AGBL1: variants seen among roughly 807,000 people sequenced by gnomAD.
AGBL1 encodes AGBL carboxypeptidase 1, also known as cytosolic carboxypeptidase 4.
Under a neutral mutation model 118.9 loss-of-function variants are expected in AGBL1, and 130 were observed. That is an observed-to-expected ratio of 1.09 (90% CI 0.95 to 1.26). The LOEUF is 1.26. Among genes scored for constraint, AGBL1 ranks in the 50% most tolerant of loss-of-function variants. AGBL1 has a pLI of 0.00. For missense variants in AGBL1, 1,584 were observed against 1,298.1 expected (o/e 1.22, Z -3.38); for synonymous variants, 555 against 478.9 (o/e 1.16, Z -2.08).
At chr15:86,881,785 G>C (rs906124877) in intron 22 of AGBL1, among the ~76,000 whole-genome samples, 21 of 152,102 alleles carry the variant, frequency 1.4e-4, no homozygotes, top group Non-Finnish European at 2.8e-4. Context: ...ACAGCTGTGT[G>C]CCACCACGCC....
chr15:87,021,926 G>T (rs544929446), intron 24 of AGBL1, among the ~76,000 whole-genome samples: 6 of 152,150 alleles, frequency 3.9e-5, no homozygotes, highest in Admixed American at 1.3e-4. Flanking sequence ...CAAATACTCT[G>T]CTGGTATTCA....
chr15:87,020,492 T>G (rs1314802293), intron 24 of AGBL1, among the ~76,000 whole-genome samples: 1 of 152,122 alleles, frequency 6.6e-6, no homozygotes, highest in East Asian at 1.9e-4. Flanking sequence ...GTATTGGATG[T>G]TCTGGCCAGG....
chr15:86,743,390 T>C lies in AGBL1; in HGVS notation c.3158+68954T>C, dbSNP rs137871482. On this transcript the variant is annotated intron_variant, in intron 22 of 22. Coordinates refer to ENST00000614907, the MANE Select transcript of AGBL1 (RefSeq NM_001386094.1). Reference sequence around the variant, plus strand: ...TAGGTTCTGGGGAACATCTTTCAAATCCACTTCATCCTATTTTCATCCTTA... The same window carrying C: ...TAGGTTCTGGGGAACATCTTTCAAACCCACTTCATCCTATTTTCATCCTTA... 2.0e-4 allele frequency among the ~76,000 whole-genome samples: 31 copies of C among 152,222 alleles called. No homozygotes were observed. The East Asian group carries it at 6.0e-3, about 29-fold the overall frequency.
chr15:86,673,918 T>G (rs1453695140), intron 21 of AGBL1, among the ~76,000 whole-genome samples: 1 of 152,074 alleles, frequency 6.6e-6, no homozygotes, highest in Non-Finnish European at 1.5e-5. Context: ...GTTTCAGAAG[T>G]GAAAAAAAAC....
At chr15:86,610,033 TC>T (rs959144553) in intron 21 of AGBL1, among the ~76,000 whole-genome samples, 3 of 152,106 alleles carry the variant, frequency 2.0e-5, no homozygotes, top group East Asian at 3.9e-4. Flanking sequence ...AGACTACATG[TC>T]CCCCCCATCT....
Position 86,302,937 on chromosome 15 carries a change from A to G in AGBL1, c.2374+7529A>G, listed in dbSNP as rs1453442212. Among the ~76,000 whole-genome samples, 6 of 152,182 alleles carry G rather than the reference A, an allele frequency of 3.9e-5. 1 individual carries two copies. In the East Asian group the frequency reaches 9.6e-4, roughly 24 times the overall value. On this transcript the variant is annotated intron_variant, in intron 17 of 22. Coordinates refer to ENST00000614907, the MANE Select transcript of AGBL1 (RefSeq NM_001386094.1). ...TGTTAAAAAGTTTTTATTGAAGGCA[A>G]TTATGAGCTAATAGGATGTTATTAA... is the stretch of plus-strand genomic sequence containing the variant.
intron 22 of AGBL1, among the ~76,000 whole-genome samples, chr15:86,874,649 A>T (rs1482398492): frequency 6.6e-6 from 1 of 152,176 alleles, no homozygotes; most frequent in Admixed American, 6.5e-5. Context: ...AGTAAGGCAC[A>T]GGAGGAAGAA....
intron 22 of AGBL1, among the ~76,000 whole-genome samples, chr15:86,729,363 G>A (rs2077498936): frequency 1.3e-5 from 2 of 152,178 alleles, no homozygotes; most frequent in South Asian, 4.1e-4. Context: ...GAGGTTTGGT[G>A]TAAGAATGAT....
intron 1 of AGBL1, among the ~76,000 whole-genome samples, chr15:86,122,452 G>T (rs942753447): frequency 6.6e-6 from 1 of 152,146 alleles, no homozygotes; most frequent in Non-Finnish European, 1.5e-5. Flanking sequence ...CCAAGAAACA[G>T]TATGGAAAGC....
At chr15:86,499,531 C>T (rs1567026187) in intron 18 of AGBL1, among the ~76,000 whole-genome samples, 1 of 151,808 alleles carries the variant, frequency 6.6e-6, no homozygotes, top group East Asian at 1.9e-4. Context: ...AAGAGGTTGC[C>T]TGGTAGGAGC....
In AGBL1 at chr15:86,913,339, C is replaced by T. The variant is rs553013364; in HGVS notation, c.*6045C>T. On this transcript the variant is annotated 3_prime_UTR_variant, in exon 23 of 23. Coordinates refer to ENST00000614907, the MANE Select transcript of AGBL1 (RefSeq NM_001386094.1). Reference sequence around the variant, plus strand: ...GGTTGATGATTTTAGGCTCTACTGTCACACAGATGTCAAGATGAAGGCCTT... The same window carrying T: ...GGTTGATGATTTTAGGCTCTACTGTTACACAGATGTCAAGATGAAGGCCTT... The T allele has an allele frequency of 1.3e-5, 2 of 152,286 alleles. No individual in the cohort carries two copies. The highest frequency in any genetic ancestry group is 2.1e-4 in the South Asian group (1 of 4,828). 9.4% of individuals were successfully genotyped at this position (152,286 alleles called of 1,614,324 possible).
chr15:86,362,160 C>T (rs1033738454), intron 17 of AGBL1, among the ~76,000 whole-genome samples: 1 of 152,090 alleles, frequency 6.6e-6, no homozygotes, highest in African/African-American at 2.4e-5. Context: ...TTTTTAGCTG[C>T]TAATAACTTC....
intron 18 of AGBL1, among the ~76,000 whole-genome samples, chr15:86,519,095 C>G (rs913916691): frequency 1.3e-5 from 2 of 152,000 alleles, no homozygotes; most frequent in Non-Finnish European, 2.9e-5. Flanking sequence ...TAACATCATC[C>G]TTTGATATTT....
At chr15:86,265,744 G>C (rs2079061687) in intron 11 of AGBL1, among the ~76,000 whole-genome samples, 1 of 152,122 alleles carries the variant, frequency 6.6e-6, no homozygotes, top group Non-Finnish European at 1.5e-5. Flanking sequence ...TCTTCCCTCT[G>C]AGTCCAGGCC....
chr15:86,197,846 C>A (rs1379305432), intron 5 of AGBL1, among the ~76,000 whole-genome samples: 1 of 151,848 alleles, frequency 6.6e-6, no homozygotes. Context: ...TTCTTGGATG[C>A]TTCAGGACAG....
intron 1 of AGBL1, among the ~76,000 whole-genome samples, chr15:86,132,937 A>G (rs1332596261): frequency 6.6e-6 from 1 of 151,994 alleles, no homozygotes; most frequent in Non-Finnish European, 1.5e-5. Flanking sequence ...TAGATTATTC[A>G]CCTTTTGTCT....
chr15:86,609,121 C>A (rs1294976572), intron 21 of AGBL1, among the ~76,000 whole-genome samples: 1 of 152,168 alleles, frequency 6.6e-6, no homozygotes, highest in Admixed American at 6.5e-5. Flanking sequence ...TACCTGCTGT[C>A]TGATCCAACC....
intron 23 of AGBL1, among the ~76,000 whole-genome samples, chr15:86,979,733 G>A (rs1261218304): frequency 6.6e-6 from 1 of 152,104 alleles, no homozygotes; most frequent in Non-Finnish European, 1.5e-5. Context: ...TCGATCTCCT[G>A]ACCTCGTGAT....
At chr15:87,003,225 A>G (rs2081459809) in intron 24 of AGBL1, among the ~76,000 whole-genome samples, 1 of 152,104 alleles carries the variant, frequency 6.6e-6, no homozygotes, top group Non-Finnish European at 1.5e-5. Flanking sequence ...TTCTGCATCT[A>G]TTGAGGTAAT....
Sources: allele counts gnomAD v4.1 joint callset (sites outside exome capture counted in the v4.1 genomes callset), GRCh38; gene constraint gnomAD v4.1.1; transcripts MANE v1.5; gene names NCBI Gene and HGNC (gene_info 2026-07-23, HGNC 2026-07-21).